The following BMAL2 variants were observed in gnomAD, a reference collection of about 807,000 sequenced individuals.
BMAL2 encodes basic helix-loop-helix ARNT-like protein 2.
the BMAL2 span, among the ~76,000 whole-genome samples, chr12:27,344,633 T>C: frequency 6.6e-6 from 1 of 152,234 alleles, no homozygotes; most frequent in Non-Finnish European, 1.5e-5. Flanking sequence ...AAATCAGGCC[T>C]ACCCAGATTA....
the BMAL2 span, chr12:27,401,470 A>G: frequency 1.9e-6 from 3 of 1,542,640 alleles, no homozygotes; most frequent in Non-Finnish European, 2.7e-6. Context: ...TCTTCACAAC[A>G]TTGATTTTTA....
the BMAL2 span, chr12:27,420,444 C>G: frequency 6.2e-7 from 1 of 1,613,912 alleles, no homozygotes; most frequent in Middle Eastern, 1.7e-4. Flanking sequence ...AATGATGACA[C>G]AGCCATGGCT....
At chr12:27,380,298 G>A in the BMAL2 span, 1 of 1,614,038 alleles carries the variant, frequency 6.2e-7, no homozygotes, top group Non-Finnish European at 8.5e-7. Context: ...TGAATAACCT[G>A]ATTGAAGAAC....
chr12:27,400,611 G>A, the BMAL2 span: 2 of 1,613,874 alleles, frequency 1.2e-6, no homozygotes, highest in Non-Finnish European at 1.7e-6. Flanking sequence ...AATGGAAGAA[G>A]AAAGGAACAG....
the BMAL2 span, among the ~76,000 whole-genome samples, chr12:27,358,244 C>G: frequency 3.6e-3 from 542 of 152,144 alleles, no homozygotes; most frequent in African/African-American, 0.012. Context: ...CATTAATAGA[C>G]AGTTCTCAAA....
At chr12:27,347,997 C>T in the BMAL2 span, among the ~76,000 whole-genome samples, 1 of 152,202 alleles carries the variant, frequency 6.6e-6, no homozygotes. Context: ...ACCAGATCCC[C>T]TGTGGCTCAT....
chr12:27,339,459 G>A, the BMAL2 span, among the ~76,000 whole-genome samples: 1 of 151,996 alleles, frequency 6.6e-6, no homozygotes, highest in African/African-American at 2.4e-5. Context: ...ATATTCCTTT[G>A]GATATATACA....
the BMAL2 span, chr12:27,422,164 G>A: frequency 6.6e-6 from 1 of 152,014 alleles, no homozygotes; most frequent in Admixed American, 6.5e-5. Context: ...AACACTTTCT[G>A]CTTCAGTAGC....
At chr12:27,370,212 C>A in the BMAL2 span, 1 of 1,613,610 alleles carries the variant, frequency 6.2e-7, no homozygotes, top group Non-Finnish European at 8.5e-7. Flanking sequence ...ATAGAAATAT[C>A]AGCCTCCAGT....
chr12:27,407,842 G>A, the BMAL2 span, among the ~76,000 whole-genome samples: 78 of 152,066 alleles, frequency 5.1e-4, 1 homozygote, highest in South Asian at 0.014. Context: ...TTGATCGACC[G>A]CTAGCAAGAC....
the BMAL2 span, among the ~76,000 whole-genome samples, chr12:27,369,565 C>T: frequency 1.3e-5 from 2 of 152,298 alleles, no homozygotes; most frequent in South Asian, 2.1e-4. Context: ...TAGCTGTTTT[C>T]CATTCTAAAT....
the BMAL2 span, among the ~76,000 whole-genome samples, chr12:27,392,165 G>A: frequency 6.6e-6 from 1 of 152,180 alleles, no homozygotes; most frequent in Non-Finnish European, 1.5e-5. Context: ...TGTGACTTAA[G>A]ATAAATTACT....
the BMAL2 span, chr12:27,400,425 T>C: frequency 1.1e-6 from 1 of 948,456 alleles, no homozygotes; most frequent in South Asian, 3.1e-5. Flanking sequence ...TTTAGCATAT[T>C]TAAAGAGCAT....
the BMAL2 span, among the ~76,000 whole-genome samples, chr12:27,378,576 C>T: frequency 6.6e-6 from 1 of 152,112 alleles, no homozygotes; most frequent in African/African-American, 2.4e-5. Context: ...CGGGGAAAGT[C>T]TTGAAGAGAG....
the BMAL2 span, chr12:27,370,299 C>A: frequency 8.6e-7 from 1 of 1,168,432 alleles, no homozygotes. Flanking sequence ...GCAGTGAAAA[C>A]ATGATACACG....
At chr12:27,376,924 T>G in the BMAL2 span, among the ~76,000 whole-genome samples, 1 of 142,288 alleles carries the variant, frequency 7.0e-6, no homozygotes, top group Non-Finnish European at 1.5e-5. Context: ...TGGCGTGAAC[T>G]CGGGAGGCAG....
At chr12:27,418,002 A>C in the BMAL2 span, 1 of 881,436 alleles carries the variant, frequency 1.1e-6, no homozygotes, top group Non-Finnish European at 1.7e-6. Flanking sequence ...CAAAAAAATA[A>C]AAAATAAAAA....
At chr12:27,379,501 C>T in the BMAL2 span, among the ~76,000 whole-genome samples, 6 of 152,010 alleles carry the variant, frequency 3.9e-5, no homozygotes, top group Non-Finnish European at 8.8e-5. Flanking sequence ...GGTGAGGAGA[C>T]GAGGGGACTG....
the BMAL2 span, among the ~76,000 whole-genome samples, chr12:27,402,057 G>A: frequency 3.1e-4 from 47 of 152,078 alleles, no homozygotes; most frequent in African/African-American, 1.0e-3. Context: ...CTGGGGTGCC[G>A]CCATGTCTGT....
Sources: gnomAD v4.1 joint callset for allele counts (sites outside exome capture counted in the v4.1 genomes callset) on GRCh38, gnomAD v4.1.1 for gene constraint, MANE v1.5 for transcripts, NCBI Gene and HGNC (gene_info 2026-07-23, HGNC 2026-07-21) for gene names.